Variants in CLCA1 observed in about 807,000 individuals in gnomAD.
The protein encoded by CLCA1 is chloride channel accessory 1, also known as calcium-activated chloride channel regulator 1.
Under a neutral mutation model 85.6 loss-of-function variants are expected in CLCA1, and 59 were observed. The observed-to-expected ratio is 0.69, with a 90% CI of 0.56 to 0.86. The LOEUF (loss-of-function observed/expected upper bound fraction) is 0.86, where lower values mean the gene tolerates loss of function less well. Ranked by LOEUF, CLCA1 falls within the 40% of genes least tolerant of loss-of-function variation. The pLI is 0.00. For missense variants in CLCA1, 1,022 were observed against 1,101.4 expected (o/e 0.93, Z 1.02); for synonymous variants, 396 against 398.3 (o/e 0.99, Z 0.07).
intron 9 of CLCA1, among the ~76,000 whole-genome samples, chr1:86,492,908 T>C (rs1648173379): frequency 6.6e-6 from 1 of 152,162 alleles, no homozygotes; most frequent in African/African-American, 2.4e-5. Context: ...ATATGATGAA[T>C]GTCGAAGGAT....
At chr1:86,480,478 C>T (rs1421833647) in intron 4 of CLCA1, among the ~76,000 whole-genome samples, 2 of 151,928 alleles carry the variant, frequency 1.3e-5, no homozygotes, top group African/African-American at 4.8e-5. Context: ...CAAAAATTGG[C>T]CTGGCATGGT....
Position 86,498,751 on chromosome 1 carries a change from G to A in CLCA1, c.2293G>A (p.Gly765Arg), listed in dbSNP as rs201131437. ...CACCGACCTGAAGGCGGAAATTCAC[G>A]GGGGCAGTCTCATTAATCTGACTTG... is the stretch of plus-strand genomic sequence containing the variant. ...QITDLKAEIH[G>R]GSLINLTWTA... The change falls in exon 13 of 14, where the codon GGG becomes AGG. Residue 765 changes from glycine (G) to arginine (R), a missense_variant. Physicochemically the swap from Gly to Arg is moderately radical, Grantham distance 125 (BLOSUM62 -2). Transcript: ENST00000394711. 3.5e-5 allele frequency: 56 copies of A among 1,614,058 alleles called. No individual in the cohort carries two copies. The highest frequency in any genetic ancestry group is 2.2e-4 in the Admixed American group (13 of 60,012).
intron 3 of CLCA1, 113 bp downstream of exon 3, chr1:86,473,989 T>G: frequency 1.6e-6 from 1 of 636,716 alleles, no homozygotes; most frequent in Non-Finnish European, 2.4e-6. Flanking sequence ...CAATTAGAGA[T>G]AAAACATCAT....
chr1:86,492,736 C>G (rs913238114), intron 9 of CLCA1, among the ~76,000 whole-genome samples: 3 of 152,198 alleles, frequency 2.0e-5, no homozygotes, highest in African/African-American at 7.2e-5. Context: ...TGGCTTATGT[C>G]ATTTATCTCC....
rs750329240 is a variant in CLCA1, at chr1:86,476,541, T to C, written c.545T>C (p.Ile182Thr). 2.0e-6 allele frequency: 3 copies of C among 1,513,802 alleles called. No individual in the cohort carries two copies. Among genetic ancestry groups the C allele is most frequent in the African/African-American group, 1.4e-5 (1 of 72,958 alleles). 93.8% of individuals were successfully genotyped at this position (1,513,802 alleles called of 1,614,324 possible). Residue 182 changes from isoleucine to threonine, a missense_variant, in exon 4 of 14, where the codon ATA becomes ACA. Transcript: ENST00000394711. ...AAATTCTACTTATCCAATGGAAGAA[T>C]ACAAGCAGTAAGGTATGTATATTTT... ...DEKFYLSNGRIQAVRCSAGIT... is the reference protein window; with the variant it reads ...DEKFYLSNGRTQAVRCSAGIT...
rs1647730038 is a variant in CLCA1, at chr1:86,478,329, AG to A, written c.557+1778del. Among the ~76,000 whole-genome samples, 7 of 152,242 alleles carry A rather than the reference AG, an allele frequency of 4.6e-5. No homozygotes were observed. The South Asian group carries it at 1.5e-3, about 32-fold the overall frequency. ...ATAATCCCAGCTACTCAGGAGGCTGAGGCAGGAGAATTGCTTGAACCCGGGA... is the reference window on the plus strand; with the variant it reads ...ATAATCCCAGCTACTCAGGAGGCTGAGCAGGAGAATTGCTTGAACCCGGGA... On this transcript the variant is annotated intron_variant, in intron 4 of 13. Transcript: ENST00000394711.
Position 86,482,399 on chromosome 1 carries a change from C to T in CLCA1, c.735+17C>T. On this transcript the variant is annotated intron_variant, in intron 5 of 13. Coordinates refer to ENST00000394711, the MANE Select transcript of CLCA1 (RefSeq NM_001285.4). ...GTTGATTCTGTAAGTACCTTGTTCT[C>T]ACCCCCTCCCCCAGATTCTTATGAA... is the stretch of plus-strand genomic sequence containing the variant. 6.2e-7 allele frequency: 1 copy of T among 1,605,226 alleles called. No individual in the cohort carries two copies. The highest frequency in any genetic ancestry group is 8.5e-7 in the Non-Finnish European group (1 of 1,174,786).
chr1:86,497,474 C>G (rs1648324240), intron 12 of CLCA1, among the ~76,000 whole-genome samples: 1 of 152,060 alleles, frequency 6.6e-6, no homozygotes, highest in African/African-American at 2.4e-5. Context: ...GAAAAGAGAA[C>G]CTGAGAACTC....
intron 9 of CLCA1, among the ~76,000 whole-genome samples, 174 bp from the exon 10 acceptor site, chr1:86,493,210 T>G (rs1334989145): frequency 6.6e-6 from 1 of 152,122 alleles, no homozygotes; most frequent in Non-Finnish European, 1.5e-5. Flanking sequence ...TTGTGGAAGC[T>G]AAGGCTAGAA....
At chr1:86,481,547 A>G (rs1216397088) in intron 4 of CLCA1, among the ~76,000 whole-genome samples, 2 of 152,202 alleles carry the variant, frequency 1.3e-5, no homozygotes, top group Non-Finnish European at 2.9e-5. Flanking sequence ...TGATATATAC[A>G]AAGTGAAAAA....
chr1:86,488,089 T>C (rs1351385688), intron 7 of CLCA1, among the ~76,000 whole-genome samples: 1 of 152,206 alleles, frequency 6.6e-6, no homozygotes, highest in Non-Finnish European at 1.5e-5. Flanking sequence ...GGCGGAAACC[T>C]CCTCTGCCCT....
chr1:86,497,319 C>T (rs1041553934), intron 12 of CLCA1, among the ~76,000 whole-genome samples: 1 of 152,186 alleles, frequency 6.6e-6, no homozygotes, highest in Non-Finnish European at 1.5e-5. Flanking sequence ...AGAGCATTCA[C>T]TTCATCTTTG....
intron 6 of CLCA1, 108 bp downstream of exon 6, chr1:86,485,669 T>A: frequency 1.1e-6 from 1 of 942,344 alleles, no homozygotes; most frequent in Non-Finnish European, 1.7e-6. Flanking sequence ...GCCAGAATAG[T>A]TATAACTGTA....
At chr1:86,473,702 T>G in intron 2 of CLCA1, 27 bp from the exon 3 acceptor site, 2 of 1,554,582 alleles carry the variant, frequency 1.3e-6, no homozygotes, top group Non-Finnish European at 1.7e-6. Flanking sequence ...AACTTTGTGA[T>G]GATAGAAACT....
chr1:86,481,566 C>T (rs989920310), intron 4 of CLCA1, among the ~76,000 whole-genome samples: 4 of 152,056 alleles, frequency 2.6e-5, no homozygotes, highest in Non-Finnish European at 4.4e-5. Flanking sequence ...AATGCTTCAA[C>T]TTGGTAACAG....
intron 3 of CLCA1, among the ~76,000 whole-genome samples, 195 bp downstream of exon 3, chr1:86,474,071 T>C (rs1234385949): frequency 3.3e-5 from 5 of 152,256 alleles, no homozygotes; most frequent in African/African-American, 1.2e-4. Flanking sequence ...TGAATTTAAT[T>C]TACTTTAGAT....
intron 5 of CLCA1, among the ~76,000 whole-genome samples, chr1:86,483,092 T>C (rs990530432): frequency 2.0e-5 from 3 of 152,200 alleles, no homozygotes; most frequent in Admixed American, 6.5e-5. Flanking sequence ...TGCAAGAGTC[T>C]GTTCAACAGG....
Position 86,473,544 on chromosome 1 carries a change from A to G in CLCA1, c.290A>G (p.Glu97Gly). 6.3e-7 allele frequency: 1 copy of G among 1,594,188 alleles called. No homozygotes were observed. The highest frequency in any genetic ancestry group is 8.6e-7 in the Non-Finnish European group (1 of 1,168,210). ...TKADYVRPKL[E>G]TYKNADVLVA... Reference sequence around the variant, plus strand: ...GCTGACTATGTGAGACCAAAACTTGAGACCTACAAAAATGTGAGAATATCA... The same window carrying G: ...GCTGACTATGTGAGACCAAAACTTGGGACCTACAAAAATGTGAGAATATCA... Residue 97 changes from glutamate (E) to glycine (G), a missense_variant, in exon 2 of 14, where the codon GAG (glutamate) becomes GGG (glycine). Glu to Gly is a moderately conservative substitution (Grantham distance 98). Transcript: ENST00000394711.
At chr1:86,496,790 C>T (rs1445050494) in intron 12 of CLCA1, among the ~76,000 whole-genome samples, 1 of 152,120 alleles carries the variant, frequency 6.6e-6, no homozygotes, top group East Asian at 1.9e-4. Context: ...AGTGCAGTGG[C>T]ACAATCTCAG....
Sources: allele counts gnomAD v4.1 joint callset (sites outside exome capture counted in the v4.1 genomes callset), GRCh38; gene constraint gnomAD v4.1.1; transcripts MANE v1.5; gene names NCBI Gene and HGNC (gene_info 2026-07-23, HGNC 2026-07-21).